EFTUD2: variants seen among roughly 807,000 people sequenced by gnomAD.
The protein encoded by EFTUD2 is 116 kDa U5 small nuclear ribonucleoprotein component.
A neutral mutation model predicts 114.3 loss-of-function variants in EFTUD2; 9 were observed. The observed-to-expected ratio is 0.08, with a 90% CI of 0.05 to 0.14. The LOEUF is 0.14. EFTUD2 is among the 10% of genes least tolerant of loss of function. The pLI, the probability that EFTUD2 is intolerant of heterozygous loss-of-function variation, is 1.00. For synonymous variants in EFTUD2, 449 were observed against 462.3 expected, an observed-to-expected ratio of 0.97 and a Z score of 0.37; for missense variants, 765 against 1,241.2, an observed-to-expected ratio of 0.62 and a Z score of 5.76.
chr17:44,857,318 T>C, intron 19 of EFTUD2, 161 bp from the exon 20 acceptor site: 1 of 593,550 alleles, frequency 1.7e-6, no homozygotes, highest in Non-Finnish European at 3.0e-6. Context: ...TTAAAAGAGC[T>C]GTCCAAATCA....
At chr17:44,876,443 G>A (rs1043280448) in intron 9 of EFTUD2, among the ~76,000 whole-genome samples, 1 of 152,168 alleles carries the variant, frequency 6.6e-6, no homozygotes, top group Non-Finnish European at 1.5e-5. Flanking sequence ...ATATATGTGT[G>A]TAGAAATAGT....
chr17:44,876,878 A>AAAAAC (rs2050967192), intron 9 of EFTUD2, among the ~76,000 whole-genome samples: 2 of 147,046 alleles, frequency 1.4e-5, no homozygotes, highest in Non-Finnish European at 3.0e-5. Flanking sequence ...AAAAAAAAAA[A>AAAAAC]AAACTACTCC....
chr17:44,878,728 G>C (rs141329614), intron 9 of EFTUD2, among the ~76,000 whole-genome samples: 32 of 152,296 alleles, frequency 2.1e-4, no homozygotes, highest in African/African-American at 7.5e-4. Flanking sequence ...AAGTAAATGA[G>C]GGTGGGTTCT....
At position 44,854,783 on chromosome 17, in the gene EFTUD2, C is replaced by T; in HGVS notation, c.2133-101G>A. ...CCTGGAAGACAGTCACTTCATCCTA[C>T]CCACTGTGCCCAGAACAAGAGCAAA... On this transcript the variant is annotated intron_variant, in intron 21 of 27. Transcript: ENST00000426333. The surrounding 1 kb of genome is among the most constrained non-coding windows in gnomAD (Gnocchi z 4.3). The T allele has an allele frequency of 6.4e-7, 1 of 1,572,640 alleles. No homozygotes were observed.
chr17:44,873,687 C>T (rs1248061730), intron 10 of EFTUD2, among the ~76,000 whole-genome samples: 1 of 150,798 alleles, frequency 6.6e-6, no homozygotes, highest in Non-Finnish European at 1.5e-5. Context: ...TCTTGACTTC[C>T]TATTTTAGTA....
intron 14 of EFTUD2, 159 bp from the exon 15 acceptor site, chr17:44,863,941 G>T: frequency 1.1e-6 from 1 of 923,652 alleles, no homozygotes; most frequent in Non-Finnish European, 1.5e-6. Flanking sequence ...CTGCTTCCTG[G>T]GAATGTGCTG....
chr17:44,879,506 G>A (rs1294487660), intron 9 of EFTUD2, 50 bp downstream of exon 9: 5 of 1,585,422 alleles, frequency 3.2e-6, no homozygotes, highest in South Asian at 1.1e-5. Context: ...TTGCGGGGTG[G>A]GGGCAAACAT....
intron 10 of EFTUD2, among the ~76,000 whole-genome samples, chr17:44,874,088 T>C (rs888729090): frequency 1.4e-5 from 2 of 146,646 alleles, no homozygotes; most frequent in Admixed American, 6.9e-5. Context: ...GTCACCCACA[T>C]TGGAGTACAA....
chr17:44,888,958 A>G (rs938382806), intron 2 of EFTUD2, among the ~76,000 whole-genome samples: 5 of 152,196 alleles, frequency 3.3e-5, no homozygotes, highest in Non-Finnish European at 7.3e-5. Flanking sequence ...AGACTGGATG[A>G]GATCCCCAGA....
chr17:44,862,570 A>T, intron 16 of EFTUD2, 143 bp downstream of exon 16: 1 of 693,826 alleles, frequency 1.4e-6, no homozygotes, highest in Non-Finnish European at 2.3e-6. Flanking sequence ...TGAAGTCAAT[A>T]GCCCTGCGGA....
rs147965285 is a variant in EFTUD2, at chr17:44,857,677, T to C, written c.1963-520A>G. The C allele has an allele frequency of 2.0e-4, 32 of 160,364 alleles. No homozygotes were observed. In the East Asian group the frequency reaches 4.9e-3, roughly 24 times the overall value. The allele number at this position is 160,364 out of a possible 1,614,324, so 9.9% of individuals were successfully genotyped here. A position where few individuals can be genotyped will look rare whatever the true frequency, so the allele number is the denominator to read the frequency against. ...AGGAGTCTAAGAGGGGTATTGAGGG[T>C]CCTCCACAGGGCCTTGGAGAAAATA... is the stretch of plus-strand genomic sequence containing the variant. On this transcript the variant is annotated intron_variant, in intron 19 of 27. Coordinates refer to ENST00000426333, the MANE Select transcript of EFTUD2 (RefSeq NM_004247.4).
At chr17:44,896,066 C>T (rs1304985701) in intron 1 of EFTUD2, 1 of 152,160 alleles carries the variant, frequency 6.6e-6, no homozygotes, top group South Asian at 2.1e-4. Context: ...CAATGCATTT[C>T]GTATCAGGTG....
intron 11 of EFTUD2, among the ~76,000 whole-genome samples, chr17:44,870,132 CATG>C (rs2050820456): frequency 6.6e-6 from 1 of 152,168 alleles, no homozygotes; most frequent in Non-Finnish European, 1.5e-5. Flanking sequence ...CATGGCTTTC[CATG>C]ATAACGCTGC....
chr17:44,875,815 T>C lies in EFTUD2; in HGVS notation c.869+119A>G, dbSNP rs559768867. 6 of 1,286,068 alleles carry C rather than the reference T, an allele frequency of 4.7e-6. No homozygotes were observed. The East Asian group carries it at 1.2e-4, about 25-fold the overall frequency. The allele number at this position is 1,286,068 out of a possible 1,614,324, so 79.7% of individuals were successfully genotyped here. On this transcript the variant is annotated intron_variant, in intron 10 of 27. Coordinates refer to ENST00000426333, the MANE Select transcript of EFTUD2 (RefSeq NM_004247.4). Reference sequence around the variant, plus strand: ...CAGAGTCCCAGGATGTGCCTCTAGTTTTGCCCAACAAACTCATCAACACAC... The same window carrying C: ...CAGAGTCCCAGGATGTGCCTCTAGTCTTGCCCAACAAACTCATCAACACAC...
intron 13 of EFTUD2, among the ~76,000 whole-genome samples, chr17:44,866,947 T>A (rs1183084816): frequency 6.6e-6 from 1 of 152,070 alleles, no homozygotes; most frequent in East Asian, 1.9e-4. Context: ...CTACACAAAA[T>A]TTTTTAAAAG....
chr17:44,880,792 G>C (rs907316102), intron 7 of EFTUD2, 148 bp from the exon 8 acceptor site: 7 of 586,978 alleles, frequency 1.2e-5, no homozygotes, highest in Non-Finnish European at 2.1e-5. Flanking sequence ...GCATGACCTT[G>C]AAGATAAAAT....
At chr17:44,857,215 A>G in intron 19 of EFTUD2, 58 bp from the exon 20 acceptor site, 1 of 1,482,426 alleles carries the variant, frequency 6.7e-7, no homozygotes. Flanking sequence ...AAGGGCAACC[A>G]TTTACCTAAG....
intron 1 of EFTUD2, among the ~76,000 whole-genome samples, chr17:44,897,847 G>C (rs376592675): frequency 1.3e-5 from 2 of 152,184 alleles, no homozygotes; most frequent in African/African-American, 4.8e-5. Flanking sequence ...TTACAGGTGT[G>C]AGCCACCGCA....
intron 17 of EFTUD2, 65 bp downstream of exon 17, chr17:44,860,367 G>A (rs1370233416): frequency 1.5e-5 from 17 of 1,124,154 alleles, no homozygotes; most frequent in Non-Finnish European, 2.3e-5. Context: ...TCCCGTTTGT[G>A]CTCATGTGTG....
Sources: allele counts gnomAD v4.1 joint callset (sites outside exome capture counted in the v4.1 genomes callset), GRCh38; gene constraint gnomAD v4.1.1; non-coding constraint Gnocchi (gnomAD v3.1); transcripts MANE v1.5; gene names NCBI Gene and HGNC (gene_info 2026-07-23, HGNC 2026-07-21).